Variants in MTUS2 observed in about 807,000 individuals in gnomAD.
MTUS2 encodes the protein microtubule associated scaffold protein 2, also known as microtubule-associated tumor suppressor candidate 2.
In MTUS2, 40 loss-of-function variants were observed where a neutral mutation model predicts 114.1. The observed-to-expected ratio is 0.35, with a 90% CI of 0.27 to 0.46. The LOEUF (loss-of-function observed/expected upper bound fraction) is 0.46, where lower values mean the gene tolerates loss of function less well. MTUS2 is among the 20% of genes least tolerant of loss of function. The probability of loss-of-function intolerance (pLI) is 1.00; values close to 1 mark genes in which losing one functional copy is unlikely to be tolerated. For missense variants in MTUS2, 1,679 were observed against 1,705.4 expected, an observed-to-expected ratio of 0.98 and a Z score of 0.27; for synonymous variants, 688 against 672.0, an observed-to-expected ratio of 1.02 and a Z score of -0.37.
rs1334883554 is a variant in MTUS2 at position 29,389,519 on chromosome 13, GTGTATA to G, written c.3117+30048_3117+30053del. 1.9e-4 allele frequency among the ~76,000 whole-genome samples: 10 copies of G among 51,868 alleles called. 2 individuals carry two copies. Among genetic ancestry groups the G allele is most frequent in the African/African-American group, 4.2e-4 (9 of 21,394 alleles). 34.0% of individuals were successfully genotyped at this position (51,868 alleles called of 152,430 possible). On this transcript the variant is annotated intron_variant, in intron 8 of 15. Transcript: ENST00000612955. ...TATATATGTATACACGTGTGTGTATGTGTATATATGTATACACGTGTGTATATGTAT... is the reference window on the plus strand; with the variant it reads ...TATATATGTATACACGTGTGTGTATGTATGTATACACGTGTGTATATGTAT...
At chr13:29,237,552 A>G (rs1253208780) in intron 5 of MTUS2, among the ~76,000 whole-genome samples, 1 of 152,108 alleles carries the variant, frequency 6.6e-6, no homozygotes, top group African/African-American at 2.4e-5. Flanking sequence ...GTGATCTGTT[A>G]TCTGGACCCA....
At chr13:29,027,774 C>T (rs906449511) in intron 3 of MTUS2, among the ~76,000 whole-genome samples, 5 of 152,044 alleles carry the variant, frequency 3.3e-5, no homozygotes, top group African/African-American at 4.8e-5. Context: ...CTCCTGACCT[C>T]GTGATCCGCC....
chr13:29,433,603 A>G (rs1877175478), intron 8 of MTUS2, among the ~76,000 whole-genome samples: 1 of 152,252 alleles, frequency 6.6e-6, no homozygotes, highest in Admixed American at 6.5e-5. Context: ...GGATCTGGCC[A>G]ATCTTCATAG....
chr13:28,955,541 A>G (rs1264977531), intron 2 of MTUS2, among the ~76,000 whole-genome samples: 5 of 152,152 alleles, frequency 3.3e-5, no homozygotes, highest in Non-Finnish European at 7.4e-5. Context: ...TGACCCATAT[A>G]TGTGATGGTT....
At chr13:28,874,200 T>C (rs1877794426) in intron 2 of MTUS2, among the ~76,000 whole-genome samples, 1 of 152,014 alleles carries the variant, frequency 6.6e-6, no homozygotes, top group African/African-American at 2.4e-5. Flanking sequence ...GTATTTTTAG[T>C]ACATCTTGGC....
At chr13:29,134,690 C>T (rs745835503) in intron 5 of MTUS2, among the ~76,000 whole-genome samples, 3 of 152,132 alleles carry the variant, frequency 2.0e-5, no homozygotes, top group South Asian at 2.1e-4. Context: ...TTCCGCCTCC[C>T]GAGTTCAAGC....
chr13:29,018,787 GC>G (rs1886173005), intron 2 of MTUS2, among the ~76,000 whole-genome samples: 1 of 74,350 alleles, frequency 1.3e-5, no homozygotes, highest in African/African-American at 5.7e-5. Flanking sequence ...CCCGCCCCCT[GC>G]AAAAAAAAAA....
intron 8 of MTUS2, among the ~76,000 whole-genome samples, chr13:29,367,080 C>T (rs1213756576): frequency 6.6e-6 from 1 of 152,126 alleles, no homozygotes; most frequent in African/African-American, 2.4e-5. Flanking sequence ...TTGAAAACCA[C>T]ATCTCGGCCC....
At position 28,963,057 on chromosome 13, in the gene MTUS2, A is replaced by G. The variant is rs150556345; in HGVS notation, c.-242-61400A>G. 7.3e-3 allele frequency among the ~76,000 whole-genome samples: 1,105 copies of G among 152,298 alleles called. 15 individuals are homozygous for G. The highest frequency in any genetic ancestry group is 0.025 in the African/African-American group (1,055 of 41,564). ...TTCAAAACTCATTCTTTTAATTGAAATAGAGTATCTGCAGCTGGGCGCAGT... is the reference window on the plus strand; with the variant it reads ...TTCAAAACTCATTCTTTTAATTGAAGTAGAGTATCTGCAGCTGGGCGCAGT... On this transcript the variant is annotated intron_variant, in intron 2 of 15. Transcript: ENST00000612955.
At chr13:29,103,705 C>A (rs1414940098) in intron 5 of MTUS2, among the ~76,000 whole-genome samples, 1 of 152,174 alleles carries the variant, frequency 6.6e-6, no homozygotes, top group Non-Finnish European at 1.5e-5. Flanking sequence ...GCTAAGACGT[C>A]ACTAGGCAAT....
intron 9 of MTUS2, among the ~76,000 whole-genome samples, chr13:29,442,140 A>C (rs930465208): frequency 6.6e-6 from 1 of 152,206 alleles, no homozygotes; most frequent in Non-Finnish European, 1.5e-5. Flanking sequence ...TTGTAGAGGT[A>C]GAGACCCTTG....
chr13:28,956,330 C>T (rs1415087566), intron 2 of MTUS2, among the ~76,000 whole-genome samples: 1 of 152,064 alleles, frequency 6.6e-6, no homozygotes, highest in African/African-American at 2.4e-5. Flanking sequence ...GTAGGAGTCT[C>T]CCTTAAGGTT....
intron 4 of MTUS2, among the ~76,000 whole-genome samples, chr13:29,096,782 T>G (rs1165648278): frequency 1.3e-5 from 2 of 152,162 alleles, no homozygotes; most frequent in African/African-American, 4.8e-5. Flanking sequence ...GGATTGACAC[T>G]CCTGGTTTAT....
At chr13:29,389,520 TGTATATATGTATACAC>T (rs2138417612) in intron 8 of MTUS2, among the ~76,000 whole-genome samples, 1 of 45,932 alleles carries the variant, frequency 2.2e-5, no homozygotes, top group African/African-American at 5.2e-5. Context: ...TGTGTGTATG[TGTATATATGTATACAC>T]GTGTGTATAT....
intron 2 of MTUS2, among the ~76,000 whole-genome samples, chr13:28,976,913 G>A (rs1472878693): frequency 6.6e-6 from 1 of 152,212 alleles, no homozygotes; most frequent in Admixed American, 6.5e-5. Context: ...AACTCTGGAA[G>A]GATGTGTGAG....
intron 5 of MTUS2, among the ~76,000 whole-genome samples, chr13:29,197,975 C>A (rs1352399333): frequency 6.6e-6 from 1 of 152,090 alleles, no homozygotes; most frequent in Non-Finnish European, 1.5e-5. Context: ...AAATAGATTG[C>A]AAAAACATTC....
At chr13:29,443,551 C>T (rs1398936466) in intron 9 of MTUS2, among the ~76,000 whole-genome samples, 1 of 152,252 alleles carries the variant, frequency 6.6e-6, no homozygotes, top group African/African-American at 2.4e-5. Flanking sequence ...GGCAGCACCA[C>T]CGCCTGGTTC....
At chr13:29,065,912 ACC>A (rs368476054) in intron 4 of MTUS2, among the ~76,000 whole-genome samples, 2,453 of 146,562 alleles carry the variant, frequency 0.017, 57 homozygotes, top group African/African-American at 0.058. Flanking sequence ...ACAAATTCAA[ACC>A]CCCCCCCACC....
rs545036008 is a variant in MTUS2 at position 29,324,437 on chromosome 13, A to T, written c.2807-176A>T. On this transcript the variant is annotated intron_variant, in intron 6 of 15. Coordinates refer to ENST00000612955, the MANE Select transcript of MTUS2 (RefSeq NM_001033602.4). Reference sequence around the variant, plus strand: ...TCAAAACTAAATTCCCTTTCCTATAAAGAAGTGTGTCATTCATCAAGCACA... The same window carrying T: ...TCAAAACTAAATTCCCTTTCCTATATAGAAGTGTGTCATTCATCAAGCACA... Among the ~76,000 whole-genome samples, 269 of 152,286 alleles carry T rather than the reference A, an allele frequency of 1.8e-3. 1 individual carries two copies. Among genetic ancestry groups the T allele is most frequent in the Non-Finnish European group, 3.0e-3 (207 of 68,016 alleles).
Sources: gnomAD v4.1 joint callset for allele counts (sites outside exome capture counted in the v4.1 genomes callset) on GRCh38, gnomAD v4.1.1 for gene constraint, MANE v1.5 for transcripts, NCBI Gene and HGNC (gene_info 2026-07-23, HGNC 2026-07-21) for gene names.